DGKI: variants seen among roughly 807,000 people sequenced by gnomAD.
DGKI encodes diacylglycerol kinase iota.
In DGKI, 55 loss-of-function variants were observed where a neutral mutation model predicts 147.5. The observed-to-expected ratio is 0.37, with a 90% CI of 0.30 to 0.47. The LOEUF (loss-of-function observed/expected upper bound fraction) is 0.47, where lower values mean the gene tolerates loss of function less well. DGKI is among the 20% of genes least tolerant of loss of function. DGKI has a pLI of 1.00. For missense variants in DGKI, 1,007 were observed against 1,323.8 expected (o/e 0.76, Z 3.71); for synonymous variants, 469 against 477.1 (o/e 0.98, Z 0.22).
At chr7:137,645,228 A>T (rs994096438) in intron 6 of DGKI, among the ~76,000 whole-genome samples, 2 of 152,272 alleles carry the variant, frequency 1.3e-5, no homozygotes, top group African/African-American at 4.8e-5. Context: ...CATCAATGAA[A>T]TTCACTGTAA....
Position 137,722,083 on chromosome 7 carries a change from A to G in DGKI, c.402-32081T>C, listed in dbSNP as rs1191670315. On this transcript the variant is annotated intron_variant, in intron 1 of 32. Transcript: ENST00000614521. ...TGGCAAGGTGAAAAAGGGTAACCTC[A>G]AGGCTAAAAAGCCCAAGAAGGGGAA... The G allele has an allele frequency of 1.8e-4, 290 of 1,597,984 alleles. 2 individuals carry two copies. Among genetic ancestry groups the G allele is most frequent in the Non-Finnish European group, 1.4e-5 (16 of 1,178,604 alleles).
intron 1 of DGKI, among the ~76,000 whole-genome samples, chr7:137,768,858 T>C (rs943735794): frequency 6.6e-6 from 1 of 152,182 alleles, no homozygotes; most frequent in African/African-American, 2.4e-5. Flanking sequence ...CAATGGTCTA[T>C]ATGGCGGCTT....
At chr7:137,517,237 GAAAGAAAGAAAAGAA>G (rs1214644188) in intron 21 of DGKI, among the ~76,000 whole-genome samples, 11 of 103,870 alleles carry the variant, frequency 1.1e-4, no homozygotes, top group East Asian at 5.2e-4. Flanking sequence ...AAGAAAGAAA[GAAAGAAAGAAAAGAA>G]AAAGAAAGAA....
intron 19 of DGKI, among the ~76,000 whole-genome samples, chr7:137,564,980 C>T (rs1818535993): frequency 6.6e-6 from 1 of 152,208 alleles, no homozygotes; most frequent in African/African-American, 2.4e-5. Context: ...CTATATGCCG[C>T]TCTTGGGCAA....
intron 19 of DGKI, among the ~76,000 whole-genome samples, chr7:137,566,814 TG>T (rs1485503188): frequency 6.6e-6 from 1 of 152,100 alleles, no homozygotes; most frequent in East Asian, 1.9e-4. Flanking sequence ...TATTTTAAAT[TG>T]CCCATTTCTA....
intron 28 of DGKI, among the ~76,000 whole-genome samples, chr7:137,431,294 G>A (rs1248908541): frequency 2.0e-5 from 3 of 150,824 alleles, no homozygotes; most frequent in East Asian, 3.9e-4. Flanking sequence ...CTTCACTAGC[G>A]AGGGTGACAG....
chr7:137,831,389 C>T (rs1053515857), intron 1 of DGKI, among the ~76,000 whole-genome samples: 5 of 152,166 alleles, frequency 3.3e-5, no homozygotes, highest in Non-Finnish European at 5.9e-5. Context: ...TACAGTTCCA[C>T]GTGGTTGGGG....
intron 2 of DGKI, among the ~76,000 whole-genome samples, chr7:137,684,560 T>G (rs1246346734): frequency 1.3e-5 from 2 of 152,156 alleles, no homozygotes; most frequent in African/African-American, 2.4e-5. Context: ...AGTTACAGAA[T>G]TCCATGATTT....
At chr7:137,705,654 C>A (rs1793996267) in intron 1 of DGKI, among the ~76,000 whole-genome samples, 1 of 151,958 alleles carries the variant, frequency 6.6e-6, no homozygotes. Flanking sequence ...ATAGATTATA[C>A]AACTGTACAC....
At chr7:137,670,010 C>CA (rs200125145) in intron 3 of DGKI, among the ~76,000 whole-genome samples, 2 of 150,704 alleles carry the variant, frequency 1.3e-5, no homozygotes, top group African/African-American at 2.4e-5. Flanking sequence ...CCCATCCACT[C>CA]AAAAAAAAAG....
At chr7:137,547,457 A>G (rs1279324942) in intron 20 of DGKI, among the ~76,000 whole-genome samples, 2 of 152,224 alleles carry the variant, frequency 1.3e-5, no homozygotes, top group Admixed American at 1.3e-4. Flanking sequence ...CCTTCTGTCC[A>G]TGTGGACCAT....
intron 2 of DGKI, among the ~76,000 whole-genome samples, chr7:137,684,568 T>C (rs1486348383): frequency 1.3e-5 from 2 of 152,258 alleles, no homozygotes; most frequent in Non-Finnish European, 2.9e-5. Flanking sequence ...AATTCCATGA[T>C]TTCCCTCGGC....
At chr7:137,570,200 A>G (rs1818745466) in intron 19 of DGKI, among the ~76,000 whole-genome samples, 1 of 152,168 alleles carries the variant, frequency 6.6e-6, no homozygotes, top group Non-Finnish European at 1.5e-5. Context: ...TTTGCATTAC[A>G]AACTCAGTGT....
rs1811078280 is a variant in DGKI at position 137,382,276 on chromosome 7, A to T, written c.*8944T>A. The T allele has an allele frequency of 6.6e-6, 1 of 152,126 alleles. No individual in the cohort carries two copies. The highest frequency in any genetic ancestry group is 1.5e-5 in the Non-Finnish European group (1 of 68,014). The allele number at this position is 152,126 out of a possible 1,614,324, so 9.4% of individuals were successfully genotyped here. On this transcript the variant is annotated 3_prime_UTR_variant, in exon 33 of 33. Coordinates refer to ENST00000614521, the MANE Select transcript of DGKI (RefSeq NM_001321708.2). ...ATGTATATTTAAACCCAAAATAACA[A>T]GGTCACAGTCTCTGAATTTTTAAGT...
At position 137,680,019 on chromosome 7, in the gene DGKI, A is replaced by G. The variant is rs1186812124; in HGVS notation, c.511-1367T>C. Reference sequence around the variant, plus strand: ...AAAAAAAAAAAAAAAAAAAATTCCAATGTTGAATCCCTCACCCTCAATGTG... The same window carrying G: ...AAAAAAAAAAAAAAAAAAAATTCCAGTGTTGAATCCCTCACCCTCAATGTG... On this transcript the variant is annotated intron_variant, in intron 2 of 32. Transcript: ENST00000614521. Among the ~76,000 whole-genome samples, 6 of 151,628 alleles carry G rather than the reference A, an allele frequency of 4.0e-5. No homozygotes were observed. In the South Asian group the frequency reaches 1.0e-3, roughly 26 times the overall value.
At chr7:137,621,144 C>A (rs538488981) in intron 7 of DGKI, among the ~76,000 whole-genome samples, 1 of 152,172 alleles carries the variant, frequency 6.6e-6, no homozygotes, top group Admixed American at 6.5e-5. Context: ...ATTAATCAAG[C>A]AATTGTATAT....
intron 5 of DGKI, among the ~76,000 whole-genome samples, chr7:137,646,559 G>A (rs370884355): frequency 4.6e-5 from 7 of 152,242 alleles, no homozygotes; most frequent in Middle Eastern, 3.4e-3. Flanking sequence ...TCAGGACTAG[G>A]AATGCAGGCA....
intron 3 of DGKI, among the ~76,000 whole-genome samples, chr7:137,664,388 AAAAAAAAAAAG>A (rs199782695): frequency 0.031 from 4,552 of 148,490 alleles, 111 homozygotes; most frequent in African/African-American, 0.1. Flanking sequence ...AAAAAAAAAA[AAAAAAAAAAAG>A]AAAGAAAGAA....
chr7:137,422,395 T>C (rs1452356862), intron 28 of DGKI, among the ~76,000 whole-genome samples: 2 of 152,162 alleles, frequency 1.3e-5, no homozygotes, highest in Non-Finnish European at 2.9e-5. Context: ...CACCTTTGGA[T>C]GTAATGGGAA....
Sources: gnomAD v4.1 joint callset for allele counts (sites outside exome capture counted in the v4.1 genomes callset) on GRCh38, gnomAD v4.1.1 for gene constraint, MANE v1.5 for transcripts, NCBI Gene and HGNC (gene_info 2026-07-23, HGNC 2026-07-21) for gene names.